Variants in CADPS2 observed in about 807,000 individuals in gnomAD.
The protein encoded by CADPS2 is calcium dependent secretion activator 2, also known as calcium-dependent secretion activator 2.
CADPS2 carries 93 observed loss-of-function variants against 172.5 expected under a neutral mutation model. The observed-to-expected ratio is 0.54, with a 90% CI of 0.46 to 0.64. CADPS2 has a LOEUF of 0.64. Among genes scored for constraint, CADPS2 ranks in the 30% least tolerant of loss-of-function variants. The probability of loss-of-function intolerance (pLI) is 0.00; values close to 1 mark genes in which losing one functional copy is unlikely to be tolerated. For missense variants in CADPS2, 1,420 were observed against 1,565.9 expected, an observed-to-expected ratio of 0.91 and a Z score of 1.57; for synonymous variants, 546 against 555.2, an observed-to-expected ratio of 0.98 and a Z score of 0.23.
intron 13 of CADPS2, among the ~76,000 whole-genome samples, chr7:122,473,489 C>T (rs950339019): frequency 6.6e-5 from 10 of 152,204 alleles, no homozygotes; most frequent in Admixed American, 6.5e-4. Flanking sequence ...GGATGCTCAC[C>T]TTGTACATAT....
intron 2 of CADPS2, chr7:122,697,900 A>T (rs763630604): frequency 1.2e-6 from 2 of 1,613,850 alleles, no homozygotes; most frequent in Admixed American, 3.3e-5. Flanking sequence ...TGCAGGAGAA[A>T]CTTCATTATT....
chr7:122,526,661 A>C (rs986791142), intron 8 of CADPS2, among the ~76,000 whole-genome samples: 1 of 152,312 alleles, frequency 6.6e-6, no homozygotes, highest in East Asian at 1.9e-4. Flanking sequence ...AAATTGATTT[A>C]GTTCTTGAGT....
rs2093727610 is a variant in CADPS2 at position 122,772,235 on chromosome 7, A to T, written c.340-35167T>A. On this transcript the variant is annotated intron_variant, in intron 1 of 29. Coordinates refer to ENST00000449022, the MANE Select transcript of CADPS2 (RefSeq NM_017954.11). ...CTAAATATTTGAAAGATTAAAAGTG[A>T]ATCAATTATATTAAAATAAGTATCC... is the stretch of plus-strand genomic sequence containing the variant. 2.0e-5 allele frequency among the ~76,000 whole-genome samples: 3 copies of T among 152,210 alleles called. No homozygotes were observed. In the South Asian group the frequency reaches 6.2e-4, roughly 31 times the overall value.
At chr7:122,707,358 T>C (rs2087746193) in intron 2 of CADPS2, among the ~76,000 whole-genome samples, 2 of 151,956 alleles carry the variant, frequency 1.3e-5, no homozygotes, top group Non-Finnish European at 1.5e-5. Flanking sequence ...GTTATAACTA[T>C]TATTAAGAGA....
chr7:122,343,472 T>G (rs1585133396), intron 28 of CADPS2, among the ~76,000 whole-genome samples: 3 of 152,316 alleles, frequency 2.0e-5, no homozygotes, highest in Middle Eastern at 3.4e-3. Flanking sequence ...CATTGCCACA[T>G]AGAAAGTCTT....
chr7:122,719,150 C>T (rs981698926), intron 2 of CADPS2, among the ~76,000 whole-genome samples: 7 of 151,730 alleles, frequency 4.6e-5, no homozygotes, highest in East Asian at 3.9e-4. Context: ...GAGCCATGGG[C>T]ATCAGTCACT....
intron 2 of CADPS2, among the ~76,000 whole-genome samples, chr7:122,699,503 T>C (rs1389268931): frequency 2.0e-5 from 3 of 152,204 alleles, no homozygotes; most frequent in Non-Finnish European, 4.4e-5. Flanking sequence ...GTGGTGAGCT[T>C]AGTGACATTA....
In CADPS2 at chr7:122,318,597, GAAGAA is replaced by G. The variant is rs2031781123; in HGVS notation, c.*1563_*1567del. On this transcript the variant is annotated 3_prime_UTR_variant, in exon 30 of 30. Coordinates refer to ENST00000449022, the MANE Select transcript of CADPS2 (RefSeq NM_017954.11). Reference sequence around the variant, plus strand: ...AAATAGTATTTGGTGTGTGAATAGAGAAGAAAAGGAGGGAGAACATTCCCAAACTG... The same window carrying G: ...AAATAGTATTTGGTGTGTGAATAGAGAAGGAGGGAGAACATTCCCAAACTG... 6.6e-6 allele frequency: 1 copy of G among 152,180 alleles called. No homozygotes were observed. The highest frequency in any genetic ancestry group is 1.5e-5 in the Non-Finnish European group (1 of 68,022). 9.4% of individuals were successfully genotyped at this position (152,180 alleles called of 1,614,324 possible).
At chr7:122,403,855 T>C (rs2046273560) in intron 20 of CADPS2, among the ~76,000 whole-genome samples, 1 of 152,186 alleles carries the variant, frequency 6.6e-6, no homozygotes, top group African/African-American at 2.4e-5. Context: ...TAATTCATTG[T>C]AGTAGAAGTT....
At chr7:122,346,162 T>A (rs544350504) in intron 27 of CADPS2, among the ~76,000 whole-genome samples, 6 of 151,208 alleles carry the variant, frequency 4.0e-5, no homozygotes, top group African/African-American at 1.2e-4. Context: ...GGCCCAGGAG[T>A]TCAAGACCAG....
At chr7:122,411,995 A>G (rs2151716453) in intron 19 of CADPS2, among the ~76,000 whole-genome samples, 1 of 152,346 alleles carries the variant, frequency 6.6e-6, no homozygotes, top group South Asian at 2.1e-4. Flanking sequence ...CATATATATT[A>G]TAAATCAGTA....
intron 2 of CADPS2, among the ~76,000 whole-genome samples, chr7:122,719,598 C>T (rs570904115): frequency 5.3e-5 from 8 of 152,260 alleles, no homozygotes; most frequent in Non-Finnish European, 1.0e-4. Context: ...AGGTTCTTCA[C>T]ATCCATCTAC....
At chr7:122,366,440 TA>T (rs539508007) in intron 25 of CADPS2, among the ~76,000 whole-genome samples, 31,192 of 135,770 alleles carry the variant, frequency 0.23, 3,490 homozygotes, top group Non-Finnish European at 0.26. Flanking sequence ...CCATCTCTAC[TA>T]AAAAAAAAAA....
chr7:122,833,640 C>T (rs571841806), intron 1 of CADPS2, among the ~76,000 whole-genome samples: 17 of 152,070 alleles, frequency 1.1e-4, no homozygotes, highest in Non-Finnish European at 2.1e-4. Context: ...AAGTGATCTG[C>T]CCACCTCGGC....
chr7:122,575,186 A>C (rs1215978080), intron 7 of CADPS2, among the ~76,000 whole-genome samples: 3 of 151,810 alleles, frequency 2.0e-5, no homozygotes, highest in Admixed American at 6.6e-5. Flanking sequence ...AGTAAAAAAA[A>C]AAGGTGGTGG....
chr7:122,817,544 C>T (rs1010037154), intron 1 of CADPS2, among the ~76,000 whole-genome samples: 26 of 152,204 alleles, frequency 1.7e-4, no homozygotes, highest in African/African-American at 4.8e-4. Flanking sequence ...ATTGCAGGGA[C>T]GCCTCTCTGA....
At chr7:122,835,275 C>T (rs1808004134) in intron 1 of CADPS2, among the ~76,000 whole-genome samples, 1 of 152,122 alleles carries the variant, frequency 6.6e-6, no homozygotes, top group Non-Finnish European at 1.5e-5. Context: ...ACACCAAAAC[C>T]CCACCTGTAC....
At chr7:122,518,179 T>G (rs1359375768) in intron 8 of CADPS2, among the ~76,000 whole-genome samples, 2 of 152,140 alleles carry the variant, frequency 1.3e-5, no homozygotes, top group East Asian at 3.9e-4. Flanking sequence ...TGTATATATA[T>G]CTATAGCCAA....
chr7:122,719,619 TTAA>T (rs1264782805), intron 2 of CADPS2, among the ~76,000 whole-genome samples: 1 of 152,182 alleles, frequency 6.6e-6, no homozygotes, highest in Non-Finnish European at 1.5e-5. Context: ...AATCACTGAC[TTAA>T]TAACTTCTGT....
Sources: allele counts gnomAD v4.1 joint callset (sites outside exome capture counted in the v4.1 genomes callset), GRCh38; gene constraint gnomAD v4.1.1; transcripts MANE v1.5; gene names NCBI Gene and HGNC (gene_info 2026-07-23, HGNC 2026-07-21).